The following PRKG1 variants were observed in gnomAD, a reference collection of about 807,000 sequenced individuals.
PRKG1 encodes the protein cGMP-dependent protein kinase 1.
In PRKG1, 35 loss-of-function variants were observed where a neutral mutation model predicts 88.1. The ratio of observed to expected loss-of-function variants is 0.40; its 90% CI spans 0.30 to 0.53. The LOEUF (loss-of-function observed/expected upper bound fraction) is 0.53. PRKG1 is among the 20% of genes least tolerant of loss of function. The probability of loss-of-function intolerance (pLI) is 0.59; values close to 1 mark genes in which losing one functional copy is unlikely to be tolerated. For synonymous variants in PRKG1, 303 were observed against 292.5 expected (o/e 1.04, Z -0.37); for missense variants, 540 against 839.8 (o/e 0.64, Z 4.41).
intron 7 of PRKG1, among the ~76,000 whole-genome samples, chr10:52,110,613 G>C (rs144694548): frequency 4.9e-4 from 74 of 152,228 alleles, no homozygotes; most frequent in African/African-American, 1.7e-3. Context: ...TTTTCTGGGA[G>C]ATCCAGTTTG....
At chr10:51,958,546 CT>C (rs754914836) in intron 5 of PRKG1, among the ~76,000 whole-genome samples, 1,417 of 92,834 alleles carry the variant, frequency 0.015, 13 homozygotes, top group African/African-American at 0.049. Flanking sequence ...ATTGTTGTTC[CT>C]TTTTTTTTTT....
intron 4 of PRKG1, among the ~76,000 whole-genome samples, chr10:51,872,777 A>G (rs6480529): frequency 0.41 from 62,314 of 151,884 alleles, 14,534 homozygotes; most frequent in African/African-American, 0.62. Context: ...TATGTATATA[A>G]AATTAATAAG....
At chr10:51,715,452 G>A (rs897885684) in intron 3 of PRKG1, among the ~76,000 whole-genome samples, 3 of 152,094 alleles carry the variant, frequency 2.0e-5, no homozygotes, top group Non-Finnish European at 4.4e-5. Context: ...TTGGAATCAA[G>A]TCCTCAGGGG....
intron 3 of PRKG1, among the ~76,000 whole-genome samples, chr10:51,749,218 G>GT (rs774495494): frequency 1.3e-5 from 2 of 152,070 alleles, no homozygotes; most frequent in South Asian, 2.1e-4. Context: ...AAATGCTTAA[G>GT]TTTTTTTTTA....
At chr10:51,182,012 T>A (rs1374577069) in intron 2 of PRKG1, among the ~76,000 whole-genome samples, 1 of 152,228 alleles carries the variant, frequency 6.6e-6, no homozygotes, top group Non-Finnish European at 1.5e-5. Flanking sequence ...GTAATTCCAA[T>A]CCACCTTTGT....
At position 51,371,563 on chromosome 10, in the gene PRKG1, C is replaced by A. The variant is rs1018406001; in HGVS notation, c.479-96160C>A. On this transcript the variant is annotated intron_variant, in intron 2 of 17. Transcript: ENST00000373980. ...CCCTGGCACATAATAGTTAAAATGT[C>A]CTCCTCTTTCTGAGTTACTTTCCAA... Among the ~76,000 whole-genome samples the A allele has an allele frequency of 1.1e-4, 16 of 152,076 alleles. 1 individual carries two copies. The highest frequency in any genetic ancestry group is 1.0e-3 in the Admixed American group (16 of 15,250).
intron 2 of PRKG1, among the ~76,000 whole-genome samples, chr10:51,400,226 C>G (rs909250705): frequency 6.6e-6 from 1 of 151,364 alleles, no homozygotes; most frequent in Non-Finnish European, 1.5e-5. Flanking sequence ...TTTTGTAGGG[C>G]AAATGAATAA....
intron 2 of PRKG1, among the ~76,000 whole-genome samples, chr10:51,218,490 C>CATATAT (rs869105973): frequency 0.025 from 1,013 of 40,676 alleles, 21 homozygotes; most frequent in East Asian, 0.034. Context: ...CATCTATCTT[C>CATATAT]ATATATATAT....
intron 7 of PRKG1, among the ~76,000 whole-genome samples, chr10:52,094,780 A>G (rs1847135887): frequency 6.6e-6 from 1 of 152,078 alleles, no homozygotes; most frequent in African/African-American, 2.4e-5. Flanking sequence ...TCTTATAAGG[A>G]CATTAATCCC....
chr10:51,487,320 A>T (rs1840577155), intron 3 of PRKG1, among the ~76,000 whole-genome samples: 1 of 152,172 alleles, frequency 6.6e-6, no homozygotes, highest in Non-Finnish European at 1.5e-5. Context: ...ATTTACCAGG[A>T]TATTTTGAGT....
chr10:52,056,513 T>C (rs1846113824), intron 6 of PRKG1, among the ~76,000 whole-genome samples: 3 of 152,020 alleles, frequency 2.0e-5, no homozygotes, highest in Admixed American at 2.0e-4. Context: ...TTTTTACGAG[T>C]TTCATAGTAA....
intron 5 of PRKG1, among the ~76,000 whole-genome samples, chr10:52,039,735 AC>A (rs1459233700): frequency 6.6e-6 from 1 of 152,140 alleles, no homozygotes; most frequent in Non-Finnish European, 1.5e-5. Context: ...TTAAACTGCT[AC>A]TTATTAAATA....
chr10:51,519,504 A>G (rs1056921559), intron 3 of PRKG1, among the ~76,000 whole-genome samples: 6 of 152,134 alleles, frequency 3.9e-5, no homozygotes, highest in East Asian at 1.9e-4. Flanking sequence ...TGAGGGGGGA[A>G]ATCTGGGCCA....
At chr10:51,646,561 T>G (rs1345289340) in intron 3 of PRKG1, among the ~76,000 whole-genome samples, 1 of 152,086 alleles carries the variant, frequency 6.6e-6, no homozygotes, top group Non-Finnish European at 1.5e-5. Flanking sequence ...GCTTATATAC[T>G]TACATCCGTA....
Position 51,484,095 on chromosome 10 carries a change from T to C in PRKG1, c.592+16259T>C, listed in dbSNP as rs796113127. Among the ~76,000 whole-genome samples the C allele has an allele frequency of 2.0e-5, 3 of 152,296 alleles. No homozygotes were observed. In the East Asian group the frequency reaches 5.8e-4, roughly 29 times the overall value. On this transcript the variant is annotated intron_variant, in intron 3 of 17. Coordinates refer to ENST00000373980, the MANE Select transcript of PRKG1 (RefSeq NM_006258.4). The stretch of plus-strand genomic sequence containing the variant: ...CGAAATGATAGAGTTGAAGTAAATT[T>C]TGATGGATGAGCTGAATTAACTTGC...
intron 2 of PRKG1, among the ~76,000 whole-genome samples, chr10:51,410,052 C>T (rs1472410992): frequency 2.0e-5 from 3 of 151,810 alleles, no homozygotes; most frequent in Admixed American, 6.6e-5. Flanking sequence ...GCTTGAACAG[C>T]AGCTTGGACC....
chr10:52,035,899 A>G (rs1448784547), intron 5 of PRKG1, among the ~76,000 whole-genome samples: 7 of 152,158 alleles, frequency 4.6e-5, no homozygotes, highest in East Asian at 1.9e-4. Context: ...AGTTGTTTGG[A>G]CAGAAAGGCT....
intron 2 of PRKG1, among the ~76,000 whole-genome samples, chr10:51,197,203 G>A (rs1474533802): frequency 6.6e-6 from 1 of 152,070 alleles, no homozygotes; most frequent in Non-Finnish European, 1.5e-5. Context: ...AAGCAATAAA[G>A]GAAGGTTTCA....
At chr10:51,889,588 G>C (rs1445077155) in intron 4 of PRKG1, among the ~76,000 whole-genome samples, 2 of 152,072 alleles carry the variant, frequency 1.3e-5, no homozygotes, top group Admixed American at 6.6e-5. Flanking sequence ...TTGGATGGCT[G>C]GGTCAAATGT....
Sources: gnomAD v4.1 joint callset for allele counts (sites outside exome capture counted in the v4.1 genomes callset) on GRCh38, gnomAD v4.1.1 for gene constraint, MANE v1.5 for transcripts, NCBI Gene and HGNC (gene_info 2026-07-23, HGNC 2026-07-21) for gene names.